AGAP1: variants seen among roughly 807,000 people sequenced by gnomAD.
The protein encoded by AGAP1 is arf-GAP with GTPase, ANK repeat and PH domain-containing protein 1.
A neutral mutation model predicts 105.3 loss-of-function variants in AGAP1; 29 were observed. The ratio of observed to expected loss-of-function variants is 0.28; its 90% confidence interval spans 0.21 to 0.38. The LOEUF is 0.38. AGAP1 is among the 10% of genes least tolerant of loss of function. The pLI is 1.00. For synonymous variants in AGAP1, 509 were observed against 485.9 expected (o/e 1.05, Z -0.63); for missense variants, 998 against 1,165.1 (o/e 0.86, Z 2.09).
At chr2:235,592,313 A>G (rs11894295) in intron 1 of AGAP1, among the ~76,000 whole-genome samples, 3,683 of 149,516 alleles carry the variant, frequency 0.025, 161 homozygotes, top group African/African-American at 0.087. Context: ...TCTGGGGGGC[A>G]GTGAGCAGGA....
chr2:235,573,035 T>TTCTTC lies in AGAP1; in HGVS notation c.163+78186_163+78187insTCTTC, dbSNP rs1559258768. On this transcript the variant is annotated intron_variant, in intron 1 of 17. Coordinates refer to ENST00000304032, the MANE Select transcript of AGAP1 (RefSeq NM_001037131.3). ...TTCTTCTTCTTCTTCTTCTTCTTCT[T>TTCTTC]CTTCTTCTTCTTCTTCTTCTTCTTC... 3.1e-3 allele frequency among the ~76,000 whole-genome samples: 59 copies of TTCTTC among 19,194 alleles called. 8 individuals carry two copies. The highest frequency in any genetic ancestry group is 0.033 in the Middle Eastern group (1 of 30). 12.6% of individuals were successfully genotyped at this position (19,194 alleles called of 152,430 possible).
Position 236,005,695 on chromosome 2 carries a change from G to A in AGAP1, c.1646-30866G>A, listed in dbSNP as rs2056298738. On this transcript the variant is annotated intron_variant, in intron 13 of 17. Transcript: ENST00000304032. The surrounding 1 kb of genome is among the most constrained non-coding windows in gnomAD (Gnocchi z 4.1). Reference sequence around the variant, plus strand: ...GGTCTTGAGGCATGCTGGGCCAGGTGTATGATAGGAATCCCTCTACTGGAA... The same window carrying A: ...GGTCTTGAGGCATGCTGGGCCAGGTATATGATAGGAATCCCTCTACTGGAA... Among the ~76,000 whole-genome samples the A allele has an allele frequency of 6.6e-6, 1 of 152,170 alleles. No individual in the cohort carries two copies. The highest frequency in any genetic ancestry group is 2.4e-5 in the African/African-American group (1 of 41,434).
rs1318831510 is a variant in AGAP1 at position 235,515,198 on chromosome 2, T to G, written c.163+20349T>G. On this transcript the variant is annotated intron_variant, in intron 1 of 17. Coordinates refer to ENST00000304032, the MANE Select transcript of AGAP1 (RefSeq NM_001037131.3). ...ACATGAGAATCCCATTCTGGCTGAC[T>G]CAAGCAGACATGGATTTTATTCGAA... Among the ~76,000 whole-genome samples the G allele has an allele frequency of 2.0e-5, 3 of 152,310 alleles. No homozygotes were observed. The East Asian group carries it at 5.8e-4, about 29-fold the overall frequency.
intron 1 of AGAP1, among the ~76,000 whole-genome samples, chr2:235,593,294 G>A (rs1056200373): frequency 6.6e-5 from 10 of 152,174 alleles, no homozygotes; most frequent in African/African-American, 2.2e-4. Flanking sequence ...TGGTGTTAAC[G>A]CAGAGACCCG....
intron 9 of AGAP1, among the ~76,000 whole-genome samples, chr2:235,851,851 CAGT>C (rs1559562741): frequency 6.6e-6 from 1 of 152,194 alleles, no homozygotes; most frequent in Non-Finnish European, 1.5e-5. Context: ...GTCTCATCTG[CAGT>C]ACGCCAGAGG....
chr2:235,929,414 C>T (rs1021207269), intron 11 of AGAP1, among the ~76,000 whole-genome samples: 1 of 152,248 alleles, frequency 6.6e-6, no homozygotes, highest in Non-Finnish European at 1.5e-5. Context: ...GGGCTTTTTT[C>T]TGGAATCAAG....
chr2:235,895,124 C>A (rs1198753485), intron 10 of AGAP1, among the ~76,000 whole-genome samples: 2 of 152,230 alleles, frequency 1.3e-5, no homozygotes, highest in Non-Finnish European at 2.9e-5. Context: ...TTGCTCAGTT[C>A]AGCTAGCGCA....
chr2:235,898,041 A>G (rs2873334), intron 10 of AGAP1, among the ~76,000 whole-genome samples: 113,311 of 152,040 alleles, frequency 0.75, 42,670 homozygotes, highest in East Asian at 0.96. Context: ...TGGGAGGGCC[A>G]CCTCTGCCGC....
intron 9 of AGAP1, among the ~76,000 whole-genome samples, chr2:235,847,594 A>T (rs1239003742): frequency 1.3e-5 from 2 of 152,370 alleles, no homozygotes; most frequent in East Asian, 3.9e-4. Flanking sequence ...CATTTTATCA[A>T]ATAAGAAACA....
chr2:235,772,249 C>T (rs1955519314), intron 6 of AGAP1, among the ~76,000 whole-genome samples: 1 of 152,100 alleles, frequency 6.6e-6, no homozygotes, highest in East Asian at 1.9e-4. Context: ...GCGTCAGCCT[C>T]CCAAAGTGCT....
At chr2:236,041,363 G>C (rs1228910299) in intron 15 of AGAP1, among the ~76,000 whole-genome samples, 1 of 149,426 alleles carries the variant, frequency 6.7e-6, no homozygotes, top group Non-Finnish European at 1.5e-5. Context: ...ATATGTTCTG[G>C]GTTTTGCCAT....
chr2:235,861,087 AT>A (rs1362263184), intron 9 of AGAP1, among the ~76,000 whole-genome samples: 3 of 152,252 alleles, frequency 2.0e-5, no homozygotes, highest in African/African-American at 7.2e-5. Context: ...TACTTTATAT[AT>A]AGTATGTACT....
rs919407031 is a variant in AGAP1 at position 236,051,003 on chromosome 2, C to T, written c.2114+1722C>T. On this transcript the variant is annotated intron_variant, in intron 16 of 17. Coordinates refer to ENST00000304032, the MANE Select transcript of AGAP1 (RefSeq NM_001037131.3). This position sits in a 1 kb window ranked among gnomAD's most constrained non-coding sequence, Gnocchi z 5.9. ...GTCTTTTTTCCAGTGTTACATACAT[C>T]ACATCATTATATTTTAGAGACCTAT... Among the ~76,000 whole-genome samples the T allele has an allele frequency of 1.3e-4, 20 of 152,138 alleles. 1 individual carries two copies. The highest frequency in any genetic ancestry group is 4.6e-4 in the African/African-American group (19 of 41,432).
At chr2:236,054,205 C>G (rs1221648755) in intron 16 of AGAP1, among the ~76,000 whole-genome samples, 1 of 152,130 alleles carries the variant, frequency 6.6e-6, no homozygotes, top group Non-Finnish European at 1.5e-5. Context: ...AATTGGATCC[C>G]TACAGCTAAC....
intron 1 of AGAP1, among the ~76,000 whole-genome samples, chr2:235,641,046 C>T (rs533427554): frequency 2.6e-5 from 4 of 152,276 alleles, no homozygotes; most frequent in African/African-American, 7.2e-5. Flanking sequence ...AATACCTTTG[C>T]CTACAATAGT....
chr2:235,804,645 C>T (rs1266095133), intron 8 of AGAP1, among the ~76,000 whole-genome samples: 2 of 152,332 alleles, frequency 1.3e-5, no homozygotes, highest in South Asian at 2.1e-4. Context: ...TCTCTCACCA[C>T]GGCAGGGGAA....
chr2:235,638,381 C>G (rs1359061973), intron 1 of AGAP1, among the ~76,000 whole-genome samples: 1 of 152,162 alleles, frequency 6.6e-6, no homozygotes, highest in Non-Finnish European at 1.5e-5. Context: ...GTGCACTGCA[C>G]AGGGTGGCTG....
intron 1 of AGAP1, among the ~76,000 whole-genome samples, chr2:235,675,191 T>TTGG (rs1491300799): frequency 3.3e-3 from 55 of 16,808 alleles, no homozygotes; most frequent in African/African-American, 5.8e-3. Context: ...GGTTGGTTGG[T>TTGG]TTTTTTTTTT....
chr2:235,894,698 T>C (rs2050721123), intron 10 of AGAP1, among the ~76,000 whole-genome samples: 1 of 152,144 alleles, frequency 6.6e-6, no homozygotes, highest in African/African-American at 2.4e-5. Flanking sequence ...AGTAAAGGCA[T>C]TGGAACTTTG....
Sources: allele counts gnomAD v4.1 joint callset (sites outside exome capture counted in the v4.1 genomes callset), GRCh38; gene constraint gnomAD v4.1.1; non-coding constraint Gnocchi (gnomAD v3.1); transcripts MANE v1.5; gene names NCBI Gene and HGNC (gene_info 2026-07-23, HGNC 2026-07-21).